The following ABCA13 variants were observed in gnomAD, a reference collection of about 807,000 sequenced individuals.
The protein encoded by ABCA13 is ATP-binding cassette sub-family A member 13.
In ABCA13, 476 loss-of-function variants were observed where a neutral mutation model predicts 478.7. The ratio of observed to expected loss-of-function variants is 0.99; its 90% CI spans 0.92 to 1.07. The LOEUF is 1.07. ABCA13 is among the 50% of genes least tolerant of loss of function. The pLI is 0.00. For missense variants in ABCA13, 6,060 were observed against 5,910.6 expected (o/e 1.03, Z -0.83); for synonymous variants, 2,252 against 2,158.9 (o/e 1.04, Z -1.20).
chr7:48,328,901 GGA>G (rs1804747651), intron 27 of ABCA13, among the ~76,000 whole-genome samples: 3 of 152,282 alleles, frequency 2.0e-5, no homozygotes, highest in South Asian at 4.1e-4. Flanking sequence ...GGAGGTATTA[GGA>G]GAGAGTCACT....
chr7:48,574,167 T>C (rs1231767547), intron 55 of ABCA13, among the ~76,000 whole-genome samples: 1 of 152,102 alleles, frequency 6.6e-6, no homozygotes, highest in East Asian at 1.9e-4. Flanking sequence ...AACTGATAAA[T>C]TTTGATTAAA....
chr7:48,368,702 T>C (rs1452899255), intron 32 of ABCA13, among the ~76,000 whole-genome samples: 6 of 141,128 alleles, frequency 4.3e-5, no homozygotes, highest in Non-Finnish European at 9.3e-5. Context: ...TATATATATA[T>C]ATATATATAT....
At chr7:48,284,002 C>T (rs763985171) in intron 19 of ABCA13, among the ~76,000 whole-genome samples, 1 of 152,172 alleles carries the variant, frequency 6.6e-6, no homozygotes, top group Non-Finnish European at 1.5e-5. Context: ...AGGGGCTTAT[C>T]CTAAGGAGAT....
In ABCA13 at chr7:48,279,445, A is replaced by C. The variant is rs752959946; in HGVS notation, c.8251A>C (p.Lys2751Gln). The C allele has an allele frequency of 4.4e-6, 7 of 1,607,666 alleles. No individual in the cohort carries two copies. The highest frequency in any genetic ancestry group is 6.0e-6 in the Non-Finnish European group (7 of 1,176,236). Residue 2751 changes from lysine (K) to glutamine (Q), a missense_variant, in exon 18 of 62, where the codon AAG (lysine) becomes CAG (glutamine). This residue lies in a region of ABCA13 where 4,423 missense variants were observed against 4,309.1 expected (regional missense o/e 1.03). Coordinates refer to ENST00000435803, the MANE Select transcript of ABCA13 (RefSeq NM_152701.5). Reference sequence around the variant, plus strand: ...CTTAGAAGCTCTTTGGAAAAACTTAAAGAAAGATAATTGGAATGTTTCTAA... The same window carrying C: ...CTTAGAAGCTCTTTGGAAAAACTTACAGAAAGATAATTGGAATGTTTCTAA... The part of the protein sequence containing the change: ...LTLEALWKNL[K>Q]KDNWNVSNVL...
Position 48,455,108 on chromosome 7 carries a change from G to T in ABCA13, c.12637G>T (p.Ala4213Ser). 4 of 1,556,546 alleles carry T rather than the reference G, an allele frequency of 2.6e-6. No homozygotes were observed. The highest frequency in any genetic ancestry group is 3.5e-6 in the Non-Finnish European group (4 of 1,150,944). ...LLRAQVAAIL[A>S]RRLRRTLRAG... is the part of the protein sequence containing the mutation. Reference sequence around the variant, plus strand: ...CCGCGCACAAGTGGCCGCGATCCTGGCCCGGAGGCTCCGCCGCACGCTGCG... The same window carrying T: ...CCGCGCACAAGTGGCCGCGATCCTGTCCCGGAGGCTCCGCCGCACGCTGCG... The change falls in exon 43 of 62, where the codon GCC becomes TCC. Residue 4213 changes from alanine to serine, a missense_variant. By Grantham distance (99) the Ala-to-Ser change is moderately conservative (BLOSUM62 1). Coordinates refer to ENST00000435803, the MANE Select transcript of ABCA13 (RefSeq NM_152701.5).
At chr7:48,504,012 T>C (rs1202844342) in intron 48 of ABCA13, among the ~76,000 whole-genome samples, 1 of 152,220 alleles carries the variant, frequency 6.6e-6, no homozygotes, top group Non-Finnish European at 1.5e-5. Context: ...TTGTCAGTTA[T>C]ACCTGAATAA....
chr7:48,519,674 T>C (rs1832396556), intron 52 of ABCA13, among the ~76,000 whole-genome samples: 1 of 152,226 alleles, frequency 6.6e-6, no homozygotes, highest in Non-Finnish European at 1.5e-5. Flanking sequence ...TGGATTGTTA[T>C]TCTGTGAGTT....
chr7:48,492,222 G>T (rs1401122624), intron 48 of ABCA13, among the ~76,000 whole-genome samples: 1 of 152,026 alleles, frequency 6.6e-6, no homozygotes, highest in Non-Finnish European at 1.5e-5. Context: ...CGTGTAGCTG[G>T]CCTTTGCATC....
chr7:48,381,596 G>A (rs892831831), intron 35 of ABCA13, among the ~76,000 whole-genome samples: 3 of 152,164 alleles, frequency 2.0e-5, no homozygotes, highest in African/African-American at 7.2e-5. Flanking sequence ...GAGCTCACAA[G>A]CAAACATCTG....
At chr7:48,580,573 T>G (rs567291591) in intron 56 of ABCA13, among the ~76,000 whole-genome samples, 199 bp downstream of exon 56, 30 of 152,352 alleles carry the variant, frequency 2.0e-4, no homozygotes, top group South Asian at 4.1e-4. Flanking sequence ...ATTATATATT[T>G]AAAAGGTATC....
At chr7:48,231,732 G>A (rs1348306183) in intron 7 of ABCA13, among the ~76,000 whole-genome samples, 1 of 152,042 alleles carries the variant, frequency 6.6e-6, no homozygotes, top group East Asian at 1.9e-4. Flanking sequence ...TGAGATCTTG[G>A]CTCATTGCAA....
rs1243273878 is a variant in ABCA13, at chr7:48,537,736, CAGCAGGTGATCAGGGGTGACTCAGGACAG to C, written c.14354+9406_14354+9434del. On this transcript the variant is annotated intron_variant, in intron 55 of 61. Transcript: ENST00000435803. ...AGGTGACCAAGGGTGACTCAGGTTG[CAGCAGGTGATCAGGGGTGACTCAGGACAG>C]AGCAGGTGATCAGGAGTGACTCAGG... is the stretch of plus-strand genomic sequence containing the variant. 3.0e-4 allele frequency among the ~76,000 whole-genome samples: 45 copies of C among 152,028 alleles called. No homozygotes were observed. The East Asian group carries it at 8.3e-3, about 28-fold the overall frequency.
At chr7:48,564,687 AG>A (rs1786848189) in intron 55 of ABCA13, among the ~76,000 whole-genome samples, 1 of 151,836 alleles carries the variant, frequency 6.6e-6, no homozygotes, top group Non-Finnish European at 1.5e-5. Context: ...ATAATTAAAA[AG>A]TTAAATAGAT....
intron 59 of ABCA13, among the ~76,000 whole-genome samples, chr7:48,622,214 C>T (rs978738761): frequency 6.6e-6 from 1 of 152,168 alleles, no homozygotes; most frequent in African/African-American, 2.4e-5. Flanking sequence ...TTCAGCTGTC[C>T]TTCCTGTGGC....
rs368782906 is a variant in ABCA13 at position 48,565,988 on chromosome 7, A to G, written c.14355-14236A>G. 3.3e-5 allele frequency among the ~76,000 whole-genome samples: 5 copies of G among 152,306 alleles called. No individual in the cohort carries two copies. In the South Asian group the frequency reaches 6.2e-4, roughly 19 times the overall value. The stretch of plus-strand genomic sequence containing the variant: ...CTGGGGGTTAACCTTCCTATAAAGT[A>G]TGGCCAGTGGCAGTAGAGAATCCAG... On this transcript the variant is annotated intron_variant, in intron 55 of 61. Coordinates refer to ENST00000435803, the MANE Select transcript of ABCA13 (RefSeq NM_152701.5).
intron 42 of ABCA13, among the ~76,000 whole-genome samples, chr7:48,434,525 T>C (rs1822566942): frequency 1.3e-5 from 2 of 151,962 alleles, no homozygotes; most frequent in African/African-American, 4.8e-5. Context: ...GAATTTAGCT[T>C]ACCTATTTTG....
At chr7:48,352,600 G>T (rs931889241) in intron 31 of ABCA13, 113 bp downstream of exon 31, 73 of 1,237,802 alleles carry the variant, frequency 5.9e-5, no homozygotes, top group Admixed American at 1.5e-4. Context: ...TGTTAAAAAA[G>T]TTCACCCCCC....
chr7:48,347,238 C>T (rs908606227), intron 29 of ABCA13, among the ~76,000 whole-genome samples: 6 of 152,154 alleles, frequency 3.9e-5, no homozygotes, highest in African/African-American at 1.4e-4. Context: ...TTTGCAGCAA[C>T]ATTTTGGGGA....
chr7:48,339,068 C>A (rs1475323500), intron 29 of ABCA13, among the ~76,000 whole-genome samples: 1 of 152,182 alleles, frequency 6.6e-6, no homozygotes, highest in Admixed American at 6.5e-5. Context: ...GCCAGAGAAG[C>A]TCTCAGGAGC....
Sources: gnomAD v4.1 joint callset for allele counts (sites outside exome capture counted in the v4.1 genomes callset) on GRCh38, gnomAD v4.1.1 for gene constraint, gnomAD v4.1.1 regional missense constraint, MANE v1.5 for transcripts, NCBI Gene and HGNC (gene_info 2026-07-23, HGNC 2026-07-21) for gene names.